The following MIR2052HG variants were observed in gnomAD, a reference collection of about 807,000 sequenced individuals.
MIR2052HG encodes MIR2052 host gene.
intron 2 of MIR2052HG, among the ~76,000 whole-genome samples, chr8:74,614,558 C>T (rs944782029): frequency 6.6e-6 from 1 of 152,054 alleles, no homozygotes; most frequent in Non-Finnish European, 1.5e-5. Context: ...TTGAACTTCT[C>T]AAAGGCAAAT....
intron 2 of MIR2052HG, among the ~76,000 whole-genome samples, chr8:74,677,982 A>T (rs1226964518): frequency 6.6e-6 from 1 of 152,206 alleles, no homozygotes; most frequent in South Asian, 2.1e-4. Flanking sequence ...GAAATTGAAA[A>T]GATAGATTTT....
chr8:74,651,860 G>T (rs763958442), intron 2 of MIR2052HG, among the ~76,000 whole-genome samples: 2 of 152,158 alleles, frequency 1.3e-5, no homozygotes, highest in Non-Finnish European at 2.9e-5. Flanking sequence ...TCAAAGTGTG[G>T]ACTCAAACTT....
In MIR2052HG at chr8:74,688,347, A is replaced by G. The variant is rs556483495; in HGVS notation, n.217-14032A>G. Reference sequence around the variant, plus strand: ...TTATTAAGCTGACAGTTATTACCACAGACTAGGCACTTAGGATACAGATAT... The same window carrying G: ...TTATTAAGCTGACAGTTATTACCACGGACTAGGCACTTAGGATACAGATAT... On this transcript the variant is annotated intron_variant and non_coding_transcript_variant, in intron 2 of 6. Transcript: ENST00000523442. 7.9e-5 allele frequency among the ~76,000 whole-genome samples: 12 copies of G among 152,358 alleles called. No individual in the cohort carries two copies. In the East Asian group the frequency reaches 2.1e-3, roughly 27 times the overall value.
intron 2 of MIR2052HG, chr8:74,702,208 A>G (rs1809364811): frequency 5.9e-6 from 1 of 168,186 alleles, no homozygotes; most frequent in African/African-American, 2.4e-5. Flanking sequence ...TTGAAAATGC[A>G]GATTGTCAAA....
At position 74,657,468 on chromosome 8, in the gene MIR2052HG, G is replaced by C. The variant is rs940311464; in HGVS notation, n.216+44528G>C. On this transcript the variant is annotated intron_variant and non_coding_transcript_variant, in intron 2 of 6. Coordinates refer to ENST00000523442, the Ensembl canonical transcript of MIR2052HG. Reference sequence around the variant, plus strand: ...AGTGGGCCATGGACTGGCAGCATCAGCACTGCCCAGGAGTCTATTAGAAAT... The same window carrying C: ...AGTGGGCCATGGACTGGCAGCATCACCACTGCCCAGGAGTCTATTAGAAAT... Among the ~76,000 whole-genome samples the C allele has an allele frequency of 5.9e-5, 9 of 152,236 alleles. No homozygotes were observed. In the South Asian group the frequency reaches 1.9e-3, roughly 32 times the overall value.
chr8:74,737,670 C>T (rs1156378338), intron 4 of MIR2052HG, among the ~76,000 whole-genome samples: 1 of 152,144 alleles, frequency 6.6e-6, no homozygotes, highest in East Asian at 1.9e-4. Flanking sequence ...ATCCTTCGTT[C>T]CCTTGGCCTG....
intron 4 of MIR2052HG, among the ~76,000 whole-genome samples, chr8:74,718,667 A>G (rs571370255): frequency 6.6e-6 from 1 of 152,338 alleles, no homozygotes; most frequent in African/African-American, 2.4e-5. Context: ...TACCACAGAC[A>G]TAGTTCTGGA....
chr8:74,749,361 T>G (rs1809919987), intron 4 of MIR2052HG, among the ~76,000 whole-genome samples: 1 of 151,792 alleles, frequency 6.6e-6, no homozygotes. Flanking sequence ...CTGGAATATC[T>G]CAGAGGGGAA....
intron 1 of MIR2052HG, chr8:74,604,270 A>G (rs1346814196): frequency 1.2e-6 from 1 of 821,898 alleles, no homozygotes; most frequent in Non-Finnish European, 2.1e-6. Flanking sequence ...GGGGAGCTGG[A>G]CTTTGAGTGG....
chr8:74,731,989 C>A (rs1382368935), intron 4 of MIR2052HG, among the ~76,000 whole-genome samples: 1 of 152,120 alleles, frequency 6.6e-6, no homozygotes, highest in African/African-American at 2.4e-5. Context: ...TTCATTTTAG[C>A]TGGCAATAAG....
chr8:74,644,945 A>T (rs1486707958), intron 2 of MIR2052HG, among the ~76,000 whole-genome samples: 1 of 152,142 alleles, frequency 6.6e-6, no homozygotes, highest in Admixed American at 6.5e-5. Context: ...CTAACAAACC[A>T]AAAGAAACCA....
At chr8:74,608,892 G>GA (rs1173078576) in intron 1 of MIR2052HG, among the ~76,000 whole-genome samples, 1 of 151,206 alleles carries the variant, frequency 6.6e-6, no homozygotes, top group Admixed American at 6.6e-5. Context: ...TAAGAAATAA[G>GA]AAAAAACAAA....
intron 2 of MIR2052HG, among the ~76,000 whole-genome samples, chr8:74,645,288 CTTTT>C (rs1184162899): frequency 6.9e-6 from 1 of 144,146 alleles, no homozygotes. Context: ...TCTTTTCTTT[CTTTT>C]TTTTTTTTTT....
intron 2 of MIR2052HG, among the ~76,000 whole-genome samples, chr8:74,681,474 G>T (rs2128739098): frequency 6.6e-6 from 1 of 152,206 alleles, no homozygotes; most frequent in Non-Finnish European, 1.5e-5. Context: ...TTAAAGCAGG[G>T]ATAGTAATAC....
At chr8:74,706,606 C>T (rs1036672993) in intron 4 of MIR2052HG, among the ~76,000 whole-genome samples, 2 of 152,022 alleles carry the variant, frequency 1.3e-5, no homozygotes, top group Non-Finnish European at 2.9e-5. Flanking sequence ...TCTCTTGTAT[C>T]ATTGTTTCAT....
At chr8:74,673,456 C>T (rs1241946121) in intron 2 of MIR2052HG, among the ~76,000 whole-genome samples, 1 of 152,010 alleles carries the variant, frequency 6.6e-6, no homozygotes, top group Non-Finnish European at 1.5e-5. Context: ...TGTTGGCTGC[C>T]TTGGTTGGCT....
At chr8:74,606,518 C>T (rs1187532400) in intron 1 of MIR2052HG, among the ~76,000 whole-genome samples, 13 of 152,174 alleles carry the variant, frequency 8.5e-5, no homozygotes, top group Admixed American at 8.5e-4. Flanking sequence ...TAAAAGAATA[C>T]TATTTTAAAG....
chr8:74,721,034 A>G (rs1369383271), intron 4 of MIR2052HG, among the ~76,000 whole-genome samples: 1 of 152,196 alleles, frequency 6.6e-6, no homozygotes, highest in Non-Finnish European at 1.5e-5. Flanking sequence ...ACACAGAGCC[A>G]AACCATATCA....
intron 4 of MIR2052HG, among the ~76,000 whole-genome samples, chr8:74,734,908 G>A (rs1431315710): frequency 6.6e-6 from 1 of 152,238 alleles, no homozygotes; most frequent in Non-Finnish European, 1.5e-5. Flanking sequence ...TCCAGTGGAT[G>A]TGTTTATGTG....
Sources: allele counts gnomAD v4.1 joint callset (sites outside exome capture counted in the v4.1 genomes callset), GRCh38; gene constraint gnomAD v4.1.1; transcripts MANE v1.5; gene names NCBI Gene and HGNC (gene_info 2026-07-23, HGNC 2026-07-21).